FAM220A: variants seen among roughly 807,000 people sequenced by gnomAD.
The protein encoded by FAM220A is family with sequence similarity 220 member A, also known as protein FAM220A.
For missense variants in FAM220A, 392 were observed against 321.6 expected, an observed-to-expected ratio of 1.22 and a Z score of -1.68; for synonymous variants, 141 against 130.7, an observed-to-expected ratio of 1.08 and a Z score of -0.54.
At chr7:6,342,322 A>G (rs945865843) in intron 1 of FAM220A, among the ~76,000 whole-genome samples, 3 of 151,904 alleles carry the variant, frequency 2.0e-5, no homozygotes, top group Non-Finnish European at 4.4e-5. Context: ...AGGCAGGTGG[A>G]TCTCTTGAGC....
intron 1 of FAM220A, among the ~76,000 whole-genome samples, chr7:6,331,700 GC>G (rs1278911184): frequency 6.6e-6 from 1 of 150,626 alleles, no homozygotes; most frequent in African/African-American, 2.4e-5. Flanking sequence ...CATTTCGTGG[GC>G]TTAGTTCCCC....
chr7:6,340,491 C>T (rs932281709), intron 1 of FAM220A, among the ~76,000 whole-genome samples: 7 of 152,062 alleles, frequency 4.6e-5, no homozygotes, highest in Admixed American at 1.3e-4. Context: ...GCACGGAGGC[C>T]GTGCTGCACC....
At chr7:6,341,675 G>A (rs1383176692) in intron 1 of FAM220A, among the ~76,000 whole-genome samples, 2 of 147,224 alleles carry the variant, frequency 1.4e-5, no homozygotes, top group Non-Finnish European at 3.0e-5. Flanking sequence ...GGGCCACAGA[G>A]CAAGACTCTG....
At chr7:6,337,096 G>GTC (rs553852687) in intron 1 of FAM220A, among the ~76,000 whole-genome samples, 1 of 148,100 alleles carries the variant, frequency 6.8e-6, no homozygotes, top group Non-Finnish European at 1.5e-5. Flanking sequence ...TGAGACAAGA[G>GTC]TCTCTCTCTG....
chr7:6,341,459 AATTATT>A (rs1158919912), intron 1 of FAM220A, among the ~76,000 whole-genome samples: 2 of 142,438 alleles, frequency 1.4e-5, no homozygotes, highest in African/African-American at 5.7e-5. Context: ...TAATAATAAT[AATTATT>A]ATTATTATTA....
At chr7:6,346,751 G>A (rs1215079715) in intron 1 of FAM220A, among the ~76,000 whole-genome samples, 1 of 152,072 alleles carries the variant, frequency 6.6e-6, no homozygotes, top group African/African-American at 2.4e-5. Flanking sequence ...CCTGTGTCAG[G>A]CACCAGCCAC....
At chr7:6,338,629 TCAC>T (rs770793976) in intron 1 of FAM220A, 2 of 152,198 alleles carry the variant, frequency 1.3e-5, no homozygotes, top group Non-Finnish European at 2.9e-5. Flanking sequence ...TACCCGATCC[TCAC>T]CACAACAGGA....
At chr7:6,343,438 ATATATATG>A (rs1781901944) in intron 1 of FAM220A, among the ~76,000 whole-genome samples, 2 of 121,232 alleles carry the variant, frequency 1.6e-5, no homozygotes, top group Non-Finnish European at 3.5e-5. Flanking sequence ...ATATATATAT[ATATATATG>A]ATCTAGGACT....
intron 1 of FAM220A, among the ~76,000 whole-genome samples, chr7:6,342,464 A>G (rs1351571553): frequency 4.6e-5 from 7 of 151,180 alleles, no homozygotes; most frequent in African/African-American, 1.7e-4. Flanking sequence ...ACTTGAACCC[A>G]GAAGTCAGAA....
intron 1 of FAM220A, among the ~76,000 whole-genome samples, chr7:6,336,933 C>G (rs147916470): frequency 6.6e-6 from 1 of 152,088 alleles, no homozygotes; most frequent in Admixed American, 6.6e-5. Context: ...GAATTACAGG[C>G]GTGAGCCACC....
In FAM220A at chr7:6,348,730, A is replaced by C. The variant is rs982178672; in HGVS notation, c.-239T>G. ...GGCGGCGGCCGAGCGCGAGAGCCGGACAGCCAGGCCCGACAGAGCCGCCGC... is the reference window on the plus strand; with the variant it reads ...GGCGGCGGCCGAGCGCGAGAGCCGGCCAGCCAGGCCCGACAGAGCCGCCGC... On this transcript the variant is annotated 5_prime_UTR_variant, in exon 1 of 2. Transcript: ENST00000313324. 3 of 416,614 alleles carry C rather than the reference A, an allele frequency of 7.2e-6. No homozygotes were observed. The highest frequency in any genetic ancestry group is 4.3e-6 in the Non-Finnish European group (1 of 235,106). The allele number at this position is 416,614 out of a possible 1,614,324, so 25.8% of individuals were successfully genotyped here.
At chr7:6,343,081 G>A (rs534650190) in intron 1 of FAM220A, among the ~76,000 whole-genome samples, 16 of 149,642 alleles carry the variant, frequency 1.1e-4, no homozygotes, top group Admixed American at 2.7e-4. Flanking sequence ...GAAGAGAAAA[G>A]AAAAGAAAAA....
chr7:6,330,555 G>A lies in FAM220A; in HGVS notation c.600C>T (p.Pro200=), dbSNP rs145817058. The stretch of plus-strand genomic sequence containing the variant: ...TTGTCTCCTCACTCAGGAGCACTTC[G>A]GGATACACGTGCAGCGTTGCAGACA... ...SILSATLHVY[P]EVLLSEETKR... Residue 200 remains proline, a synonymous_variant, in exon 2 of 2, where the codon CCC becomes CCT. Coordinates refer to ENST00000313324, the MANE Select transcript of FAM220A (RefSeq NM_001037163.2). 3.1e-5 allele frequency: 50 copies of A among 1,613,956 alleles called. No homozygotes were observed. The highest frequency in any genetic ancestry group is 2.1e-4 in the African/African-American group (16 of 74,892).
rs1781601259 is a variant in FAM220A, at chr7:6,330,276, A to G, written c.*99T>C. On this transcript the variant is annotated 3_prime_UTR_variant, in exon 2 of 2. Coordinates refer to ENST00000313324, the MANE Select transcript of FAM220A (RefSeq NM_001037163.2). ...CCAGGTCGTACAAAACTACAGCAGG[A>G]ACCTAAGGGCTGCACAGTTTGCATC... 1.7e-6 allele frequency: 2 copies of G among 1,166,858 alleles called. No individual in the cohort carries two copies. Among genetic ancestry groups the G allele is most frequent in the South Asian group, 3.1e-5 (2 of 63,598 alleles). 72.3% of individuals were successfully genotyped at this position (1,166,858 alleles called of 1,614,324 possible).
Position 6,331,156 on chromosome 7 carries a change from C to A in FAM220A, c.-2G>T, listed in dbSNP as rs757275416. On this transcript the variant is annotated 5_prime_UTR_variant, in exon 2 of 2. Coordinates refer to ENST00000313324, the MANE Select transcript of FAM220A (RefSeq NM_001037163.2). ...GAGGGGCCCTCTTCTGTCCCTCATG[C>A]TTCGTGTTCTTGGATGCGGTGGGCC... is the stretch of plus-strand genomic sequence containing the variant. 5 of 1,608,102 alleles carry A rather than the reference C, an allele frequency of 3.1e-6. No individual in the cohort carries two copies. In the East Asian group the frequency reaches 8.9e-5, roughly 29 times the overall value.
At chr7:6,336,678 T>G (rs1359840159) in intron 1 of FAM220A, among the ~76,000 whole-genome samples, 2 of 139,180 alleles carry the variant, frequency 1.4e-5, no homozygotes, top group Non-Finnish European at 3.1e-5. Flanking sequence ...AGCAAGACTT[T>G]GTCCAAAAAA....
intron 1 of FAM220A, among the ~76,000 whole-genome samples, chr7:6,342,844 C>G (rs1781888650): frequency 6.6e-6 from 1 of 151,720 alleles, no homozygotes; most frequent in Admixed American, 6.6e-5. Context: ...CGAGACCACC[C>G]TGGGCAACAT....
At chr7:6,344,565 T>G (rs1255214799) in intron 1 of FAM220A, among the ~76,000 whole-genome samples, 1 of 151,710 alleles carries the variant, frequency 6.6e-6, no homozygotes, top group Non-Finnish European at 1.5e-5. Context: ...ACTATAGGCA[T>G]GCACCACCAC....
Position 6,331,171 on chromosome 7 carries a change from T to G in FAM220A, c.-17A>C. The G allele has an allele frequency of 6.2e-7, 1 of 1,603,646 alleles. No individual in the cohort carries two copies. Among genetic ancestry groups the G allele is most frequent in the Non-Finnish European group, 8.5e-7 (1 of 1,174,582 alleles). ...GTCCCTCATGCTTCGTGTTCTTGGA[T>G]GCGGTGGGCCTGAGGTCACGCCTTC... On this transcript the variant is annotated 5_prime_UTR_variant, in exon 2 of 2. Transcript: ENST00000313324.
Sources: gnomAD v4.1 joint callset for allele counts (sites outside exome capture counted in the v4.1 genomes callset) on GRCh38, gnomAD v4.1.1 for gene constraint, MANE v1.5 for transcripts, NCBI Gene and HGNC (gene_info 2026-07-23, HGNC 2026-07-21) for gene names.